Variants in CD46 observed in about 807,000 individuals in gnomAD.
The protein encoded by CD46 is CD46 molecule, also known as membrane cofactor protein.
A neutral mutation model predicts 53.3 loss-of-function variants in CD46; 30 were observed. The observed-to-expected ratio is 0.56, with a 90% CI of 0.42 to 0.76. CD46 has a LOEUF of 0.76. Ranked by LOEUF, CD46 falls within the 30% of genes least tolerant of loss-of-function variation. The pLI is 0.00. For missense variants in CD46, 409 were observed against 463.0 expected (o/e 0.88, Z 1.07); for synonymous variants, 142 against 152.0 (o/e 0.93, Z 0.48).
chr1:207,791,689 A>C (rs1323849684), intron 12 of CD46, among the ~76,000 whole-genome samples: 2 of 152,232 alleles, frequency 1.3e-5, no homozygotes, highest in East Asian at 3.8e-4. Context: ...AACCGTGGAT[A>C]AGGGAAGCCT....
At chr1:207,762,412 A>T (rs546807180) in intron 5 of CD46, among the ~76,000 whole-genome samples, 175 of 152,264 alleles carry the variant, frequency 1.1e-3, no homozygotes, top group Non-Finnish European at 2.3e-3. Context: ...AATGATAAAA[A>T]TAGAGCCAAA....
intron 5 of CD46, among the ~76,000 whole-genome samples, chr1:207,764,932 T>A (rs761825590): frequency 6.6e-6 from 1 of 152,202 alleles, no homozygotes; most frequent in Non-Finnish European, 1.5e-5. Context: ...AGGGAACACT[T>A]CTCATCCCAT....
At chr1:207,765,471 G>A (rs758539074) in intron 5 of CD46, among the ~76,000 whole-genome samples, 7 of 152,120 alleles carry the variant, frequency 4.6e-5, no homozygotes, top group Non-Finnish European at 1.0e-4. Context: ...AATTCTGGAA[G>A]GAAAACAGTG....
intron 5 of CD46, among the ~76,000 whole-genome samples, chr1:207,761,751 G>A (rs1656248363): frequency 1.3e-5 from 2 of 150,832 alleles, no homozygotes; most frequent in Non-Finnish European, 2.9e-5. Flanking sequence ...CTTAAAGAAA[G>A]TTTCATCTTG....
intron 1 of CD46, among the ~76,000 whole-genome samples, chr1:207,753,534 G>T (rs1211174569): frequency 6.6e-6 from 1 of 152,152 alleles, no homozygotes; most frequent in African/African-American, 2.4e-5. Context: ...AGCTGGGCAT[G>T]GTGGTTTATG....
At chr1:207,766,959 CT>C in intron 5 of CD46, 53 bp from the exon 6 acceptor site, 1 of 1,434,082 alleles carries the variant, frequency 7.0e-7, no homozygotes, top group Non-Finnish European at 9.8e-7. Context: ...CTTTGTACTA[CT>C]TTTTCTGCTA....
intron 9 of CD46, chr1:207,783,550 T>A (rs1416216098): frequency 2.3e-6 from 1 of 437,044 alleles, no homozygotes; most frequent in Non-Finnish European, 4.2e-6. Flanking sequence ...TTCTTTCTAT[T>A]CATATCTTAT....
intron 4 of CD46, chr1:207,760,977 G>A: frequency 2.4e-6 from 1 of 418,070 alleles, no homozygotes; most frequent in Non-Finnish European, 4.4e-6. Flanking sequence ...ACTACAATTT[G>A]ACATGCGATT....
intron 8 of CD46, among the ~76,000 whole-genome samples, chr1:207,773,964 C>G (rs1657806528): frequency 6.6e-6 from 1 of 152,104 alleles, no homozygotes; most frequent in South Asian, 2.1e-4. Context: ...ATTGATCTGT[C>G]CAATATTGAC....
intron 12 of CD46, 118 bp from the exon 13 acceptor site, chr1:207,793,401 G>A: frequency 2.7e-6 from 2 of 745,304 alleles, no homozygotes; most frequent in Non-Finnish European, 4.7e-6. Context: ...TATTTCCCAG[G>A]TTGGTGGCTC....
At chr1:207,785,482 A>G (rs868282017) in intron 10 of CD46, 137 bp from the exon 11 acceptor site, 6 of 753,466 alleles carry the variant, frequency 8.0e-6, no homozygotes, top group Admixed American at 5.5e-5. Flanking sequence ...AAGAGTCTGG[A>G]TGGAATATAA....
At chr1:207,773,197 T>G (rs1657708811) in intron 8 of CD46, among the ~76,000 whole-genome samples, 1 of 152,230 alleles carries the variant, frequency 6.6e-6, no homozygotes, top group Non-Finnish European at 1.5e-5. Context: ...GAGGTGTTTA[T>G]AGTATTCTCT....
chr1:207,771,198 CTTT>C (rs1657475412), intron 8 of CD46, among the ~76,000 whole-genome samples: 1 of 152,174 alleles, frequency 6.6e-6, no homozygotes, highest in Admixed American at 6.5e-5. Flanking sequence ...TAAATGTCTT[CTTT>C]TGAGAAGTGT....
rs576863785 is a variant in CD46, at chr1:207,768,903, T to G, written c.901+1080T>G. 2.6e-5 allele frequency: 4 copies of G among 152,298 alleles called. No individual in the cohort carries two copies. In the East Asian group the frequency reaches 7.7e-4, roughly 29 times the overall value. The allele number at this position is 152,298 out of a possible 1,614,324, so 9.4% of individuals were successfully genotyped here. A position where few individuals can be genotyped will look rare whatever the true frequency, so the allele number is the denominator to read the frequency against. On this transcript the variant is annotated intron_variant, in intron 7 of 12. Transcript: ENST00000367042. The stretch of plus-strand genomic sequence containing the variant: ...CTGGCTTCTAATTTGGTTATATATT[T>G]CCTATCTCCCTAATATTTTAAAGGA...
Position 207,794,569 on chromosome 1 carries a change from C to T in CD46, c.*1092C>T, listed in dbSNP as rs909155564. ...GAGAATCTTAGTCCATTTACATTGC[C>T]TTGGCTAGTAAAAGCCATCTATGTA... On this transcript the variant is annotated 3_prime_UTR_variant, in exon 13 of 13. Coordinates refer to ENST00000367042, the MANE Select transcript of CD46 (RefSeq NM_172351.3). The T allele has an allele frequency of 2.6e-5, 4 of 152,198 alleles. No homozygotes were observed. Among genetic ancestry groups the T allele is most frequent in the African/African-American group, 9.6e-5 (4 of 41,452 alleles). 9.4% of individuals were successfully genotyped at this position (152,198 alleles called of 1,614,324 possible).
chr1:207,767,476 T>C, intron 6 of CD46: 3 of 852,328 alleles, frequency 3.5e-6, no homozygotes, highest in Non-Finnish European at 6.0e-6. Flanking sequence ...AAAAGTGAAT[T>C]ACAACAACTT....
chr1:207,783,227 T>TA (rs1477354460), intron 8 of CD46, 65 bp from the exon 9 acceptor site: 4 of 905,384 alleles, frequency 4.4e-6, no homozygotes, highest in Non-Finnish European at 7.2e-6. Context: ...TAAAGGATTT[T>TA]AAGCTTTATA....
At chr1:207,760,951 A>G (rs1656123384) in intron 4 of CD46, 2 of 381,240 alleles carry the variant, frequency 5.2e-6, no homozygotes, top group African/African-American at 2.1e-5. Flanking sequence ...ACCAGGCCCC[A>G]CCTCCAACAT....
At chr1:207,784,007 A>AG (rs1232861190) in intron 9 of CD46, among the ~76,000 whole-genome samples, 1 of 152,230 alleles carries the variant, frequency 6.6e-6, no homozygotes, top group Non-Finnish European at 1.5e-5. Flanking sequence ...AGTTCTAAAA[A>AG]TTAAGATTTT....
Sources: allele counts gnomAD v4.1 joint callset (sites outside exome capture counted in the v4.1 genomes callset), GRCh38; gene constraint gnomAD v4.1.1; transcripts MANE v1.5; gene names NCBI Gene and HGNC (gene_info 2026-07-23, HGNC 2026-07-21).